Variants in FCHO2 observed in about 807,000 individuals in gnomAD.
FCHO2 encodes the protein F-BAR domain only protein 2.
In FCHO2, 43 loss-of-function variants were observed where a neutral mutation model predicts 114.1. The ratio of observed to expected loss-of-function variants is 0.38; its 90% CI spans 0.30 to 0.49. FCHO2 has a LOEUF of 0.49. Ranked by LOEUF, FCHO2 falls within the 20% of genes least tolerant of loss-of-function variation. The probability of loss-of-function intolerance (pLI) is 0.97; values close to 1 mark genes in which losing one functional copy is unlikely to be tolerated. For missense variants in FCHO2, 807 were observed against 950.4 expected (o/e 0.85, Z 1.98); for synonymous variants, 293 against 315.2 (o/e 0.93, Z 0.75).
At chr5:72,957,625 T>G (rs1751629311) in intron 1 of FCHO2, among the ~76,000 whole-genome samples, 1 of 152,254 alleles carries the variant, frequency 6.6e-6, no homozygotes, top group Admixed American at 6.5e-5. Context: ...TTGTTCCCAC[T>G]TTTGGGTTAT....
chr5:73,024,418 A>G (rs1489068127), intron 8 of FCHO2, among the ~76,000 whole-genome samples: 1 of 149,724 alleles, frequency 6.7e-6, no homozygotes, highest in Non-Finnish European at 1.5e-5. Context: ...GCTCTTTACT[A>G]GCAGTGAGAC....
chr5:73,034,761 A>G (rs1030580604), intron 9 of FCHO2, 60 bp downstream of exon 9: 11 of 1,350,818 alleles, frequency 8.1e-6, no homozygotes, highest in African/African-American at 1.5e-5. Context: ...TCTTCTGTTC[A>G]TTGAACAAAT....
intron 15 of FCHO2, chr5:73,055,123 A>G (rs1216332520): frequency 2.9e-6 from 1 of 342,366 alleles, no homozygotes; most frequent in South Asian, 2.3e-5. Context: ...ACAGAGTTTA[A>G]GAGACCTAGT....
rs145570949 is a variant in FCHO2, at chr5:72,989,637, A to G, written c.200+136A>G. 2.2e-4 allele frequency: 131 copies of G among 593,122 alleles called. 1 individual carries two copies. The African/African-American group carries it at 2.2e-3, about 10-fold the overall frequency. 36.7% of individuals were successfully genotyped at this position (593,122 alleles called of 1,614,324 possible). ...TTTAAAAGTATCTGTAAATATTAAT[A>G]TATTCTTCACTTGATAGAAAATATA... On this transcript the variant is annotated intron_variant, in intron 3 of 25. Coordinates refer to ENST00000430046, the MANE Select transcript of FCHO2 (RefSeq NM_138782.3).
chr5:73,012,617 CAA>C (rs11358269), intron 6 of FCHO2, among the ~76,000 whole-genome samples: 1,330 of 92,484 alleles, frequency 0.014, 13 homozygotes, highest in African/African-American at 0.043. Context: ...GACTCCGTCT[CAA>C]AAAAAAAAAA....
At chr5:73,052,745 C>T (rs1580172025) in intron 13 of FCHO2, 2 of 348,508 alleles carry the variant, frequency 5.7e-6, no homozygotes, top group East Asian at 5.5e-5. Flanking sequence ...ATAAACAGTG[C>T]TGTGTGTCTC....
intron 1 of FCHO2, among the ~76,000 whole-genome samples, chr5:72,965,600 C>T (rs1752158943): frequency 6.6e-6 from 1 of 152,134 alleles, no homozygotes; most frequent in Admixed American, 6.6e-5. Context: ...GTTTTCAAGG[C>T]CAGAGTGGCA....
At chr5:73,000,354 C>G (rs867809996) in intron 5 of FCHO2, among the ~76,000 whole-genome samples, 1 of 151,656 alleles carries the variant, frequency 6.6e-6, no homozygotes, top group Non-Finnish European at 1.5e-5. Context: ...GCCTATAATC[C>G]CAGCTACTCA....
At chr5:73,026,648 A>G (rs368896628) in intron 8 of FCHO2, among the ~76,000 whole-genome samples, 1 of 152,040 alleles carries the variant, frequency 6.6e-6, no homozygotes, top group Non-Finnish European at 1.5e-5. Flanking sequence ...ATAATGTTAT[A>G]TTACTTATTG....
rs112731041 is a variant in FCHO2 at position 73,087,991 on chromosome 5, A to G, written c.2411-77A>G. 2.6e-5 allele frequency: 41 copies of G among 1,582,554 alleles called. No homozygotes were observed. The African/African-American group carries it at 2.8e-4, about 11-fold the overall frequency. ...TAGCAGATGGGAACTAGAGTTTTGT[A>G]TTGGTAACCACAGTGGAAAATGTCC... On this transcript the variant is annotated intron_variant, in intron 25 of 25. Coordinates refer to ENST00000430046, the MANE Select transcript of FCHO2 (RefSeq NM_138782.3).
intron 8 of FCHO2, 89 bp from the exon 9 acceptor site, chr5:73,034,568 A>C: frequency 1.0e-6 from 1 of 956,996 alleles, no homozygotes; most frequent in Non-Finnish European, 1.6e-6. Context: ...TTAAAAGTAG[A>C]ATAAAAAATT....
chr5:72,997,657 C>G, intron 5 of FCHO2: 12 of 1,518,654 alleles, frequency 7.9e-6, no homozygotes, highest in Middle Eastern at 2.0e-4. Flanking sequence ...AGCTGCTCCC[C>G]CTTCACCTGA....
intron 5 of FCHO2, among the ~76,000 whole-genome samples, chr5:72,998,702 A>G (rs528593718): frequency 2.9e-4 from 44 of 150,366 alleles, no homozygotes; most frequent in African/African-American, 1.0e-3. Flanking sequence ...CATAGTACCT[A>G]GTATGCCGTG....
At chr5:73,082,495 A>G (rs1248940034) in intron 23 of FCHO2, among the ~76,000 whole-genome samples, 1 of 152,162 alleles carries the variant, frequency 6.6e-6, no homozygotes, top group African/African-American at 2.4e-5. Context: ...GAAGGTACTG[A>G]TCCCTATACA....
At chr5:73,057,388 C>CAT (rs1460664535) in intron 16 of FCHO2, among the ~76,000 whole-genome samples, 2 of 152,026 alleles carry the variant, frequency 1.3e-5, no homozygotes, top group African/African-American at 2.4e-5. Flanking sequence ...TTTTAGGAGT[C>CAT]ATACAGTTGC....
intron 10 of FCHO2, 55 bp downstream of exon 10, chr5:73,037,270 T>C: frequency 7.5e-7 from 1 of 1,329,780 alleles, no homozygotes; most frequent in Non-Finnish European, 1.0e-6. Flanking sequence ...TGATTAAGAA[T>C]AAGACTTTTG....
chr5:73,076,249 T>C lies in FCHO2; in HGVS notation c.1692-1089T>C, dbSNP rs574881654. On this transcript the variant is annotated intron_variant, in intron 20 of 25. Coordinates refer to ENST00000430046, the MANE Select transcript of FCHO2 (RefSeq NM_138782.3). ...ATTCACAAGAAGGATTTTAGTGGCA[T>C]AGTGGAGATGAAAGTATGCTTTGAG... Among the ~76,000 whole-genome samples, 3 of 152,206 alleles carry C rather than the reference T, an allele frequency of 2.0e-5. No homozygotes were observed. In the South Asian group the frequency reaches 6.2e-4, roughly 32 times the overall value.
intron 10 of FCHO2, among the ~76,000 whole-genome samples, chr5:73,039,691 G>T (rs1756712627): frequency 6.6e-6 from 1 of 150,686 alleles, no homozygotes; most frequent in Non-Finnish European, 1.5e-5. Context: ...ATTTTGGGAG[G>T]CCGAGGAGGG....
At chr5:73,035,215 C>G (rs1756437368) in intron 9 of FCHO2, among the ~76,000 whole-genome samples, 1 of 151,910 alleles carries the variant, frequency 6.6e-6, no homozygotes, top group Non-Finnish European at 1.5e-5. Flanking sequence ...TCCAGGAGTT[C>G]GAGACCAGCC....
Sources: gnomAD v4.1 joint callset for allele counts (sites outside exome capture counted in the v4.1 genomes callset) on GRCh38, gnomAD v4.1.1 for gene constraint, MANE v1.5 for transcripts, NCBI Gene and HGNC (gene_info 2026-07-23, HGNC 2026-07-21) for gene names.